The following TTC3 variants were observed in gnomAD, a reference collection of about 807,000 sequenced individuals.
TTC3 encodes the protein tetratricopeptide repeat domain 3.
TTC3 carries 180 observed loss-of-function variants against 249.6 expected under a neutral mutation model. The observed-to-expected ratio is 0.72, with a 90% confidence interval of 0.64 to 0.82. The LOEUF is 0.82. Among genes scored for constraint, TTC3 ranks in the 40% least tolerant of loss-of-function variants. The pLI is 0.00. For missense variants in TTC3, 2,061 were observed against 2,398.4 expected (o/e 0.86, Z 2.94); for synonymous variants, 717 against 805.0 (o/e 0.89, Z 1.85).
At chr21:37,122,873 T>C (rs1197845637) in intron 12 of TTC3, 110 bp from the exon 13 acceptor site, 22 of 1,032,970 alleles carry the variant, frequency 2.1e-5, no homozygotes, top group Non-Finnish European at 2.8e-5. Context: ...TTTTCAGTTT[T>C]CTAAATTTGA....
chr21:37,162,107 TCTTTA>T (rs770999154), intron 31 of TTC3, 44 bp downstream of exon 31: 3 of 1,201,288 alleles, frequency 2.5e-6, no homozygotes, highest in Non-Finnish European at 3.5e-6. Context: ...AACTCAAATG[TCTTTA>T]CTTAATAAGT....
intron 10 of TTC3, among the ~76,000 whole-genome samples, chr21:37,100,504 A>G (rs980621075): frequency 3.3e-5 from 4 of 119,552 alleles, no homozygotes; most frequent in African/African-American, 1.1e-4. Context: ...ATGGGGAAAC[A>G]GATGCTTCCT....
chr21:37,196,188 G>A, intron 42 of TTC3, 152 bp downstream of exon 42: 1 of 953,820 alleles, frequency 1.0e-6, no homozygotes, highest in Non-Finnish European at 1.5e-6. Context: ...CTTTCTTTTT[G>A]TAAATATAGA....
Position 37,123,046 on chromosome 21 carries a change from C to A in TTC3, c.1109+18C>A. The stretch of plus-strand genomic sequence containing the variant: ...GAAAACAGGTAAGTTAATAGCAGGT[C>A]AGTAGCTGCTACTACTAGGAATGGC... On this transcript the variant is annotated intron_variant, in intron 13 of 45. Coordinates refer to ENST00000355666, the Ensembl canonical transcript of TTC3. The A allele has an allele frequency of 1.2e-6, 2 of 1,608,744 alleles. No individual in the cohort carries two copies. The highest frequency in any genetic ancestry group is 2.2e-5 in the South Asian group (2 of 90,926).
intron 27 of TTC3, among the ~76,000 whole-genome samples, chr21:37,154,260 A>G (rs1430675750): frequency 1.3e-5 from 2 of 152,340 alleles, no homozygotes; most frequent in East Asian, 3.9e-4. Flanking sequence ...AGGCCTGCTA[A>G]GCCTCTGCCA....
chr21:37,193,340 A>G (rs2084428795), intron 41 of TTC3, among the ~76,000 whole-genome samples: 1 of 148,644 alleles, frequency 6.7e-6, no homozygotes. Flanking sequence ...CACAGTAAAC[A>G]TTCAAACTTA....
intron 1 of TTC3, among the ~76,000 whole-genome samples, chr21:37,076,415 A>G (rs1236686121): frequency 3.9e-5 from 6 of 152,190 alleles, no homozygotes; most frequent in East Asian, 3.8e-4. Context: ...GAATTTTTCT[A>G]ATTTTCACAC....
intron 1 of TTC3, chr21:37,083,104 A>G: frequency 2.0e-6 from 2 of 985,446 alleles, no homozygotes; most frequent in Non-Finnish European, 2.4e-6. Flanking sequence ...TTGTTTACAG[A>G]GAAGAGGTGC....
At chr21:37,188,430 A>T in intron 38 of TTC3, 65 bp from the exon 39 acceptor site, 1 of 1,292,256 alleles carries the variant, frequency 7.7e-7, no homozygotes, top group Non-Finnish European at 1.1e-6. Context: ...TTTAAGTTTT[A>T]ACCTTTAAAA....
chr21:37,168,290 C>A (rs1489999381), intron 34 of TTC3, among the ~76,000 whole-genome samples: 6 of 151,964 alleles, frequency 3.9e-5, no homozygotes, highest in Non-Finnish European at 5.9e-5. Flanking sequence ...GGTATATTAA[C>A]TGAGAAAGCA....
intron 43 of TTC3, 58 bp downstream of exon 43, chr21:37,197,754 TAAAAAA>T: frequency 7.3e-7 from 1 of 1,361,874 alleles, no homozygotes; most frequent in South Asian, 1.5e-5. Context: ...TGAGAATTGT[TAAAAAA>T]AAAAAAAAGC....
chr21:37,117,835 CAAAAA>C (rs60664616), intron 11 of TTC3, among the ~76,000 whole-genome samples: 2 of 73,442 alleles, frequency 2.7e-5, no homozygotes, highest in African/African-American at 4.3e-5. Context: ...TGCGCCACTT[CAAAAA>C]AAAAAAAAAA....
intron 32 of TTC3, among the ~76,000 whole-genome samples, chr21:37,165,011 A>T (rs1197183780): frequency 1.3e-5 from 2 of 152,202 alleles, no homozygotes; most frequent in Non-Finnish European, 2.9e-5. Flanking sequence ...TGAGCAAATC[A>T]TATTTCCAGA....
At chr21:37,077,308 T>C (rs2071028634) in intron 1 of TTC3, among the ~76,000 whole-genome samples, 1 of 152,162 alleles carries the variant, frequency 6.6e-6, no homozygotes, top group Non-Finnish European at 1.5e-5. Flanking sequence ...AAAAGCACTT[T>C]TGGTGGTTTG....
intron 20 of TTC3, among the ~76,000 whole-genome samples, chr21:37,142,247 C>T (rs894510692): frequency 1.3e-5 from 2 of 152,134 alleles, no homozygotes; most frequent in African/African-American, 4.8e-5. Context: ...GAAGTTCTGG[C>T]CAGGGCAATC....
exon 46 of TTC3, chr21:37,201,481 C>T (rs748261990): frequency 2.5e-6 from 4 of 1,614,038 alleles, no homozygotes; most frequent in Non-Finnish European, 3.4e-6. Context: ...CTTGCCCGGC[C>T]TGCCAGGGTC....
At chr21:37,167,845 C>T (rs1381148572) in intron 34 of TTC3, among the ~76,000 whole-genome samples, 6 of 151,428 alleles carry the variant, frequency 4.0e-5, no homozygotes, top group Non-Finnish European at 5.9e-5. Context: ...ATTATAACAG[C>T]GTTATTGTTT....
At chr21:37,151,421 T>A (rs1032972106) in intron 25 of TTC3, among the ~76,000 whole-genome samples, 1 of 152,134 alleles carries the variant, frequency 6.6e-6, no homozygotes, top group African/African-American at 2.4e-5. Flanking sequence ...GATTTTTTTT[T>A]ATCATTTGTG....
intron 44 of TTC3, among the ~76,000 whole-genome samples, chr21:37,199,364 C>T (rs2085266465): frequency 6.6e-6 from 1 of 152,238 alleles, no homozygotes; most frequent in South Asian, 2.1e-4. Flanking sequence ...AGGCAGTGAG[C>T]TAGAGTAGAA....
Sources: gnomAD v4.1 joint callset for allele counts (sites outside exome capture counted in the v4.1 genomes callset) on GRCh38, gnomAD v4.1.1 for gene constraint, MANE v1.5 for transcripts, NCBI Gene and HGNC (gene_info 2026-07-23, HGNC 2026-07-21) for gene names.